The following SORCS2 variants were observed in gnomAD, a reference collection of about 807,000 sequenced individuals.
The protein encoded by SORCS2 is VPS10 domain-containing receptor SorCS2.
SORCS2 carries 100 observed loss-of-function variants against 141.6 expected under a neutral mutation model. That is an observed-to-expected ratio of 0.71 (90% CI 0.60 to 0.83). The LOEUF (loss-of-function observed/expected upper bound fraction) is 0.83. Among genes scored for constraint, SORCS2 ranks in the 40% least tolerant of loss-of-function variants. The pLI, the probability that SORCS2 is intolerant of heterozygous loss-of-function variation, is 0.00. For synonymous variants in SORCS2, 789 were observed against 676.9 expected (o/e 1.17, Z -2.57); for missense variants, 1,646 against 1,560.2 (o/e 1.05, Z -0.93).
At chr4:7,580,891 C>A (rs1716099153) in intron 3 of SORCS2, among the ~76,000 whole-genome samples, 1 of 152,040 alleles carries the variant, frequency 6.6e-6, no homozygotes, top group South Asian at 2.1e-4. Flanking sequence ...TGGGAGGCCT[C>A]CCCCAAATTA....
At chr4:7,356,125 C>G (rs923956257) in intron 1 of SORCS2, among the ~76,000 whole-genome samples, 5 of 152,250 alleles carry the variant, frequency 3.3e-5, no homozygotes, top group African/African-American at 7.2e-5. Flanking sequence ...TCTCAATGAT[C>G]ATCTGTCAGA....
chr4:7,723,982 C>T, intron 19 of SORCS2, 99 bp downstream of exon 19: 1 of 1,364,374 alleles, frequency 7.3e-7, no homozygotes, highest in Non-Finnish European at 9.7e-7. Context: ...TTGCTCTAGG[C>T]CCCTGGTACT....
In SORCS2 at chr4:7,233,088, T is replaced by C. The variant is rs111919995; in HGVS notation, c.480+39962T>C. On this transcript the variant is annotated intron_variant, in intron 1 of 26. Coordinates refer to ENST00000507866, the MANE Select transcript of SORCS2 (RefSeq NM_020777.3). This position sits in a 1 kb window ranked among gnomAD's most constrained non-coding sequence, Gnocchi z 4.5. ...CAGGAGTCAGGCTTCGGCACCCGCA[T>C]GTTCAACTACTGCCTTCCTGATGGA... Among the ~76,000 whole-genome samples, 328 of 152,254 alleles carry C rather than the reference T, an allele frequency of 2.2e-3. 1 individual carries two copies. The highest frequency in any genetic ancestry group is 7.1e-3 in the African/African-American group (294 of 41,554).
At chr4:7,206,254 C>T (rs4563496) in intron 1 of SORCS2, among the ~76,000 whole-genome samples, 91,108 of 151,818 alleles carry the variant, frequency 0.6, 29,356 homozygotes, top group East Asian at 0.92. Flanking sequence ...GTATGGACTC[C>T]AGGGGCTCAG....
At chr4:7,610,566 G>A (rs901074192) in intron 3 of SORCS2, among the ~76,000 whole-genome samples, 2 of 152,198 alleles carry the variant, frequency 1.3e-5, no homozygotes, top group South Asian at 4.1e-4. Flanking sequence ...CCATAGCTGA[G>A]GTCTTTCCAC....
At chr4:7,719,329 G>A (rs1050403301) in intron 18 of SORCS2, among the ~76,000 whole-genome samples, 4 of 152,226 alleles carry the variant, frequency 2.6e-5, no homozygotes, top group Admixed American at 6.5e-5. Context: ...CGTGGCGGGC[G>A]CTGTGCACGA....
At chr4:7,195,171 GGTGTGT>G (rs59264911) in intron 1 of SORCS2, among the ~76,000 whole-genome samples, 26,391 of 142,338 alleles carry the variant, frequency 0.19, 2,586 homozygotes, top group South Asian at 0.38. Flanking sequence ...ACTGCTGGCA[GGTGTGT>G]GTGTGTGTGT....
intron 10 of SORCS2, among the ~76,000 whole-genome samples, 186 bp downstream of exon 10, chr4:7,683,075 G>A (rs1723631766): frequency 6.6e-6 from 1 of 152,216 alleles, no homozygotes; most frequent in African/African-American, 2.4e-5. Flanking sequence ...AAGTTAATTG[G>A]AGGTCAGAGA....
At chr4:7,704,109 G>A (rs774063855) in intron 13 of SORCS2, 68 bp from the exon 14 acceptor site, 94 of 1,460,532 alleles carry the variant, frequency 6.4e-5, no homozygotes, top group Middle Eastern at 1.7e-4. Flanking sequence ...TGGACCCGCC[G>A]GGCAGAGTCC....
chr4:7,400,784 C>CAGAT (rs1263099569), intron 2 of SORCS2, among the ~76,000 whole-genome samples: 1 of 141,308 alleles, frequency 7.1e-6, no homozygotes, highest in Non-Finnish European at 1.5e-5. Context: ...GATGGATGGA[C>CAGAT]AGATAGATGA....
intron 17 of SORCS2, among the ~76,000 whole-genome samples, chr4:7,716,323 C>G (rs1164899574): frequency 6.6e-6 from 1 of 152,226 alleles, no homozygotes; most frequent in Non-Finnish European, 1.5e-5. Flanking sequence ...CATCCACCCA[C>G]CCATCCATGC....
At chr4:7,669,512 C>T (rs59608690) in intron 8 of SORCS2, among the ~76,000 whole-genome samples, 7,271 of 152,292 alleles carry the variant, frequency 0.048, 554 homozygotes, top group African/African-American at 0.17. Context: ...CAGCAGCCTG[C>T]CCAGTGTTTC....
chr4:7,703,796 G>A (rs1725238760), intron 13 of SORCS2, among the ~76,000 whole-genome samples: 1 of 152,218 alleles, frequency 6.6e-6, no homozygotes, highest in Non-Finnish European at 1.5e-5. Context: ...CACAGCCGGA[G>A]CAGCTGCCAG....
chr4:7,498,899 A>C lies in SORCS2; in HGVS notation c.549-32631A>C, dbSNP rs1731792936. On this transcript the variant is annotated intron_variant, in intron 2 of 26. Coordinates refer to ENST00000507866, the MANE Select transcript of SORCS2 (RefSeq NM_020777.3). ...GAGCCCTGTCACCCCCAGCAGGGGAACATGTCAAGCTGAGCGTGGAGTGGC... is the reference window on the plus strand; with the variant it reads ...GAGCCCTGTCACCCCCAGCAGGGGACCATGTCAAGCTGAGCGTGGAGTGGC... 2.6e-5 allele frequency among the ~76,000 whole-genome samples: 4 copies of C among 152,316 alleles called. No homozygotes were observed. The South Asian group carries it at 8.3e-4, about 32-fold the overall frequency.
chr4:7,635,514 T>G (rs1720184267), intron 3 of SORCS2, among the ~76,000 whole-genome samples: 1 of 152,230 alleles, frequency 6.6e-6, no homozygotes, highest in African/African-American at 2.4e-5. Context: ...TATACCTATT[T>G]GTCCACTCAT....
chr4:7,375,137 C>T (rs913945075), intron 1 of SORCS2, among the ~76,000 whole-genome samples: 1 of 152,150 alleles, frequency 6.6e-6, no homozygotes, highest in Non-Finnish European at 1.5e-5. Context: ...CTGGGACTCT[C>T]CCCTGCATCA....
intron 3 of SORCS2, among the ~76,000 whole-genome samples, chr4:7,622,992 C>T (rs183264897): frequency 4.7e-4 from 72 of 152,188 alleles, no homozygotes; most frequent in East Asian, 2.7e-3. Flanking sequence ...GGAGTGGAAA[C>T]GCTAGGACTG....
chr4:7,587,954 C>T (rs1017263953), intron 3 of SORCS2, among the ~76,000 whole-genome samples: 2 of 152,156 alleles, frequency 1.3e-5, no homozygotes, highest in Non-Finnish European at 2.9e-5. Flanking sequence ...TTTTTCAGGC[C>T]TTTAAAACCA....
At chr4:7,391,510 G>A (rs1313688272) in intron 1 of SORCS2, among the ~76,000 whole-genome samples, 4 of 152,052 alleles carry the variant, frequency 2.6e-5, no homozygotes, top group Non-Finnish European at 4.4e-5. Context: ...GCCGGCTGTG[G>A]TGATCAGGGG....
Sources: allele counts gnomAD v4.1 joint callset (sites outside exome capture counted in the v4.1 genomes callset), GRCh38; gene constraint gnomAD v4.1.1; non-coding constraint Gnocchi (gnomAD v3.1); transcripts MANE v1.5; gene names NCBI Gene and HGNC (gene_info 2026-07-23, HGNC 2026-07-21).